CEP170: variants seen among roughly 807,000 people sequenced by gnomAD.
The protein encoded by CEP170 is centrosomal protein of 170 kDa.
Under a neutral mutation model 151.9 loss-of-function variants are expected in CEP170, and 21 were observed. The observed-to-expected ratio is 0.14, with a 90% CI of 0.10 to 0.20. The LOEUF is 0.20. Among genes scored for constraint, CEP170 ranks in the 10% least tolerant of loss-of-function variants. The pLI is 1.00. For missense variants in CEP170, 964 were observed against 1,892.9 expected (o/e 0.51, Z 9.11); for synonymous variants, 356 against 648.8 (o/e 0.55, Z 6.86).
chr1:243,204,483 G>T (rs1164021944), intron 4 of CEP170, among the ~76,000 whole-genome samples: 1 of 152,114 alleles, frequency 6.6e-6, no homozygotes, highest in Non-Finnish European at 1.5e-5. Flanking sequence ...GAAGGTACTG[G>T]GTTCTTACTT....
intron 4 of CEP170, among the ~76,000 whole-genome samples, chr1:243,210,685 G>A (rs1462316998): frequency 8.4e-6 from 1 of 119,592 alleles, no homozygotes; most frequent in East Asian, 2.8e-4. Flanking sequence ...TGTGATCTTG[G>A]CTCACTGCAA....
chr1:243,128,506 A>G (rs1321446683), intron 18 of CEP170: 4 of 526,390 alleles, frequency 7.6e-6, no homozygotes, highest in South Asian at 7.7e-5. Context: ...ATGAAATACA[A>G]TAACTTTTTC....
chr1:243,244,341 TAGAG>T (rs913926725), intron 1 of CEP170, among the ~76,000 whole-genome samples: 2 of 114,944 alleles, frequency 1.7e-5, no homozygotes, highest in East Asian at 5.8e-4. Flanking sequence ...CTGCCCAAAA[TAGAG>T]AGCTCCTTGT....
chr1:243,232,183 T>C (rs2063825110), intron 1 of CEP170, among the ~76,000 whole-genome samples: 1 of 152,148 alleles, frequency 6.6e-6, no homozygotes, highest in African/African-American at 2.4e-5. Flanking sequence ...CAGGCTGGTC[T>C]TGAACTCATG....
intron 1 of CEP170, among the ~76,000 whole-genome samples, chr1:243,226,100 TAC>T (rs1446815840): frequency 1.4e-5 from 2 of 142,176 alleles, no homozygotes; most frequent in South Asian, 2.2e-4. Context: ...TCTATATATA[TAC>T]ACGTATATAT....
intron 7 of CEP170, among the ~76,000 whole-genome samples, chr1:243,192,499 T>G (rs2060368589): frequency 6.6e-6 from 1 of 152,196 alleles, no homozygotes; most frequent in African/African-American, 2.4e-5. Context: ...GCAAAGCATG[T>G]CCATTATCAA....
chr1:243,152,360 T>C (rs965140365), intron 14 of CEP170, among the ~76,000 whole-genome samples: 4 of 151,438 alleles, frequency 2.6e-5, no homozygotes, highest in Admixed American at 1.3e-4. Flanking sequence ...TAGCTGAGAC[T>C]ACAGGCGCCC....
At chr1:243,229,878 C>T (rs573480208) in intron 1 of CEP170, among the ~76,000 whole-genome samples, 1 of 152,168 alleles carries the variant, frequency 6.6e-6, no homozygotes, top group African/African-American at 2.4e-5. Context: ...AATAGCTGAC[C>T]ACAGAGGAAA....
At chr1:243,249,349 T>C (rs1305381709) in intron 1 of CEP170, among the ~76,000 whole-genome samples, 1 of 151,734 alleles carries the variant, frequency 6.6e-6, no homozygotes, top group African/African-American at 2.4e-5. Context: ...GCCCAGCGGG[T>C]CAAGGCTGCA....
At position 243,241,615 on chromosome 1, in the gene CEP170, C is replaced by T. The variant is rs190332629; in HGVS notation, c.-42+13425G>A. Among the ~76,000 whole-genome samples, 26 of 151,884 alleles carry T rather than the reference C, an allele frequency of 1.7e-4. No homozygotes were observed. The East Asian group carries it at 5.0e-3, about 29-fold the overall frequency. On this transcript the variant is annotated intron_variant, in intron 1 of 19. Transcript: ENST00000366542. Reference sequence around the variant, plus strand: ...GACTAGCCTGGCCAGCATGGCAAAACCCCATCTCTACTAAAAATACAAAAA... The same window carrying T: ...GACTAGCCTGGCCAGCATGGCAAAATCCCATCTCTACTAAAAATACAAAAA...
chr1:243,160,744 A>G (rs2057998406), intron 13 of CEP170, among the ~76,000 whole-genome samples: 1 of 152,250 alleles, frequency 6.6e-6, no homozygotes, highest in South Asian at 2.1e-4. Context: ...AACTGCTGAC[A>G]ATGCTCTGTT....
chr1:243,215,594 T>C (rs763407413), intron 3 of CEP170, among the ~76,000 whole-genome samples: 29 of 152,184 alleles, frequency 1.9e-4, no homozygotes, highest in Non-Finnish European at 3.7e-4. Context: ...TTGGTCAGAC[T>C]GGTTGTCTGC....
At chr1:243,203,807 C>T (rs556625085) in intron 4 of CEP170, among the ~76,000 whole-genome samples, 2 of 151,934 alleles carry the variant, frequency 1.3e-5, no homozygotes, top group African/African-American at 2.4e-5. Context: ...ATAAAACATA[C>T]AATTATGATA....
chr1:243,216,318 C>T (rs1345318789), intron 3 of CEP170, among the ~76,000 whole-genome samples: 1 of 152,004 alleles, frequency 6.6e-6, no homozygotes, highest in Non-Finnish European at 1.5e-5. Context: ...CGTCATTTAG[C>T]ATTAGGTATA....
intron 10 of CEP170, among the ~76,000 whole-genome samples, chr1:243,177,653 G>A (rs1216376011): frequency 9.9e-5 from 15 of 152,140 alleles, no homozygotes. Context: ...AGCCACTAGT[G>A]TCAAGGAACT....
rs371158698 is a variant in CEP170 at position 243,152,438 on chromosome 1, G to A, written c.3911+3783C>T. On this transcript the variant is annotated intron_variant, in intron 14 of 19. Transcript: ENST00000366542. ...GGGTTTCACCATGTTAGCCAAGATCGTCTCAATCTCCTGACCTCGTGATCC... is the reference window on the plus strand; with the variant it reads ...GGGTTTCACCATGTTAGCCAAGATCATCTCAATCTCCTGACCTCGTGATCC... Among the ~76,000 whole-genome samples, 63 of 148,998 alleles carry A rather than the reference G, an allele frequency of 4.2e-4. 2 individuals carry two copies. The South Asian group carries it at 0.012, about 28-fold the overall frequency.
At chr1:243,193,477 A>G (rs10926963) in intron 7 of CEP170, among the ~76,000 whole-genome samples, 46,143 of 151,450 alleles carry the variant, frequency 0.3, 7,475 homozygotes, top group South Asian at 0.48. Context: ...CTGATCCACT[A>G]TACAGAGAGC....
chr1:243,247,061 C>CAA (rs1479563363), intron 1 of CEP170, among the ~76,000 whole-genome samples: 3 of 152,138 alleles, frequency 2.0e-5, no homozygotes, highest in African/African-American at 7.2e-5. Context: ...TTCCTCAAAT[C>CAA]AGTTTCTAGC....
At chr1:243,221,064 G>A (rs150103696) in intron 3 of CEP170, among the ~76,000 whole-genome samples, 264 of 151,662 alleles carry the variant, frequency 1.7e-3, no homozygotes, top group African/African-American at 6.0e-3. Flanking sequence ...TTGTTCTGTC[G>A]CCCAGGCTGG....
Sources: gnomAD v4.1 joint callset for allele counts (sites outside exome capture counted in the v4.1 genomes callset) on GRCh38, gnomAD v4.1.1 for gene constraint, MANE v1.5 for transcripts, NCBI Gene and HGNC (gene_info 2026-07-23, HGNC 2026-07-21) for gene names.